KIAA1217: variants seen among roughly 807,000 people sequenced by gnomAD.
KIAA1217 encodes sickle tail protein homolog.
In KIAA1217, 88 loss-of-function variants were observed where a neutral mutation model predicts 163.9. The observed-to-expected ratio is 0.54, with a 90% CI of 0.45 to 0.64. The LOEUF is 0.64. Among genes scored for constraint, KIAA1217 ranks in the 30% least tolerant of loss-of-function variants. The probability of loss-of-function intolerance (pLI) is 0.00; values close to 1 mark genes in which losing one functional copy is unlikely to be tolerated. For missense variants in KIAA1217, 2,372 were observed against 2,475.0 expected (o/e 0.96, Z 0.88); for synonymous variants, 903 against 923.1 (o/e 0.98, Z 0.39).
intron 1 of KIAA1217, among the ~76,000 whole-genome samples, chr10:23,971,682 C>T (rs1016858621): frequency 2.0e-5 from 3 of 152,158 alleles, no homozygotes; most frequent in African/African-American, 7.2e-5. Flanking sequence ...TATTTTTTGA[C>T]ATATTTTGAA....
chr10:24,092,928 T>TTG (rs72267704), intron 2 of KIAA1217, among the ~76,000 whole-genome samples: 5,297 of 141,000 alleles, frequency 0.038, 205 homozygotes, highest in African/African-American at 0.079. Flanking sequence ...TGTGTGTGTG[T>TTG]TGTGTGTGTG....
rs1333302599 is a variant in KIAA1217, at chr10:24,544,962, T to TC, written c.5212-18dup. On this transcript the variant is annotated intron_variant, in intron 19 of 20. Transcript: ENST00000376454. ...TGCGCTTCTCCTTCTCTTCCCCCTC[T>TC]CACTGGTCCTTCCCACAGGGCTCCA... 1 of 1,610,380 alleles carries TC rather than the reference T, an allele frequency of 6.2e-7. No individual in the cohort carries two copies. Among genetic ancestry groups the TC allele is most frequent in the African/African-American group, 1.3e-5 (1 of 74,768 alleles).
intron 1 of KIAA1217, among the ~76,000 whole-genome samples, chr10:23,937,819 A>C (rs1843595991): frequency 6.6e-6 from 1 of 152,182 alleles, no homozygotes; most frequent in Non-Finnish European, 1.5e-5. Flanking sequence ...GGGAGCAAGC[A>C]ATGTAGGACA....
intron 2 of KIAA1217, among the ~76,000 whole-genome samples, chr10:24,354,236 T>A (rs141857957): frequency 6.6e-6 from 1 of 152,326 alleles, no homozygotes; most frequent in African/African-American, 2.4e-5. Flanking sequence ...GAATAGTATT[T>A]GTGAAATGGC....
chr10:23,936,717 T>G (rs753008363), intron 1 of KIAA1217, among the ~76,000 whole-genome samples: 1 of 152,156 alleles, frequency 6.6e-6, no homozygotes, highest in Non-Finnish European at 1.5e-5. Flanking sequence ...TGCAGACACC[T>G]GGATTTCAGA....
At chr10:24,073,065 A>T (rs1432505234) in intron 2 of KIAA1217, among the ~76,000 whole-genome samples, 5 of 151,918 alleles carry the variant, frequency 3.3e-5, no homozygotes, top group Non-Finnish European at 7.4e-5. Context: ...TCTTGAAAAA[A>T]AAAAAAAAGA....
intron 2 of KIAA1217, among the ~76,000 whole-genome samples, chr10:24,319,148 C>T (rs1446284434): frequency 3.3e-5 from 5 of 152,048 alleles, no homozygotes; most frequent in Non-Finnish European, 7.4e-5. Context: ...GAGGCCGAGG[C>T]GGGCAGATCA....
chr10:24,366,509 C>T (rs530158573), intron 2 of KIAA1217, among the ~76,000 whole-genome samples: 1 of 152,204 alleles, frequency 6.6e-6, no homozygotes, highest in Non-Finnish European at 1.5e-5. Context: ...TATTTAAATG[C>T]TTGCACAGTA....
At chr10:24,538,732 G>GT (rs756717624) in intron 17 of KIAA1217, among the ~76,000 whole-genome samples, 18,039 of 87,374 alleles carry the variant, frequency 0.21, 4,611 homozygotes, top group Middle Eastern at 0.29. Context: ...ATTGTTTTTG[G>GT]TTTTTTTTTT....
At chr10:24,128,041 T>A (rs1051828197) in intron 2 of KIAA1217, among the ~76,000 whole-genome samples, 1 of 152,244 alleles carries the variant, frequency 6.6e-6, no homozygotes, top group Non-Finnish European at 1.5e-5. Flanking sequence ...TATTTTAGAT[T>A]AAGTATCTAC....
In KIAA1217 at chr10:24,544,940, G is replaced by A. The variant is rs376056709; in HGVS notation, c.5212-41G>A. 4.4e-6 allele frequency: 7 copies of A among 1,603,606 alleles called. 1 individual carries two copies. Among genetic ancestry groups the A allele is most frequent in the South Asian group, 3.3e-5 (3 of 90,224 alleles). On this transcript the variant is annotated intron_variant, in intron 19 of 20. Transcript: ENST00000376454. Reference sequence around the variant, plus strand: ...AGCCTCACAGATGACCTACTCATGCGCTTCTCCTTCTCTTCCCCCTCTCAC... The same window carrying A: ...AGCCTCACAGATGACCTACTCATGCACTTCTCCTTCTCTTCCCCCTCTCAC...
intron 2 of KIAA1217, among the ~76,000 whole-genome samples, chr10:24,336,694 A>G (rs2046393614): frequency 6.6e-6 from 1 of 152,260 alleles, no homozygotes; most frequent in African/African-American, 2.4e-5. Flanking sequence ...TTTTCTTTCA[A>G]GAAAGAGGGC....
chr10:24,096,369 GT>G (rs963823963), intron 2 of KIAA1217, among the ~76,000 whole-genome samples: 8 of 152,010 alleles, frequency 5.3e-5, no homozygotes, highest in Non-Finnish European at 1.2e-4. Context: ...CTGGTCCAGG[GT>G]GCCACCACCT....
Position 24,543,061 on chromosome 10 carries a change from C to G in KIAA1217, c.3791C>G (p.Pro1264Arg), listed in dbSNP as rs1208321933. ...AGAAACTATTCCCAGGAAACTGTGC[C>G]TAAGGCCAGTTTCGGTTTCTCTGGC... is the stretch of plus-strand genomic sequence containing the variant. ...DSRNYSQETV[P>R]KASFGFSGIS... is the part of the protein sequence containing the mutation. The change falls in exon 19 of 21, where the codon CCT (proline) becomes CGT (arginine). Residue 1264 changes from proline to arginine, a missense_variant. Pro to Arg is a moderately radical substitution (Grantham distance 103). Coordinates refer to ENST00000376454, the MANE Select transcript of KIAA1217 (RefSeq NM_019590.5). 6.2e-7 allele frequency: 1 copy of G among 1,613,388 alleles called. No homozygotes were observed. Among genetic ancestry groups the G allele is most frequent in the African/African-American group, 1.3e-5 (1 of 74,754 alleles).
chr10:23,765,815 A>G (rs1251052899), intron 1 of KIAA1217, among the ~76,000 whole-genome samples: 1 of 152,194 alleles, frequency 6.6e-6, no homozygotes, highest in Non-Finnish European at 1.5e-5. Flanking sequence ...AGTCTGTTCG[A>G]TCTCTTTTCT....
At chr10:23,706,101 G>C (rs755369645) in intron 1 of KIAA1217, among the ~76,000 whole-genome samples, 1 of 151,786 alleles carries the variant, frequency 6.6e-6, no homozygotes, top group African/African-American at 2.4e-5. Context: ...TTTTATATTG[G>C]TCTTGTGCTC....
intron 2 of KIAA1217, among the ~76,000 whole-genome samples, chr10:24,136,848 T>C (rs1341714303): frequency 6.6e-6 from 1 of 152,254 alleles, no homozygotes; most frequent in Non-Finnish European, 1.5e-5. Context: ...AGAGTGTAGC[T>C]GAATTGTCCA....
chr10:24,033,923 C>CTGTT (rs887717702), intron 2 of KIAA1217, among the ~76,000 whole-genome samples: 31 of 152,300 alleles, frequency 2.0e-4, no homozygotes, highest in Admixed American at 6.5e-4. Context: ...AAAATATTTA[C>CTGTT]TGTTTGGCTC....
rs954914424 is a variant in KIAA1217 at position 24,101,736 on chromosome 10, A to G, written c.-171+94362A>G. Among the ~76,000 whole-genome samples, 3 of 152,150 alleles carry G rather than the reference A, an allele frequency of 2.0e-5. No individual in the cohort carries two copies. In the East Asian group the frequency reaches 5.8e-4, roughly 29 times the overall value. On this transcript the variant is annotated intron_variant, in intron 2 of 18. Coordinates refer to the KIAA1217 transcript ENST00000376462. ...ATGATAATTTCATAATGTTTAGCCT[A>G]GTATTTTCATTTGGAAATTAGTCAT...
Sources: allele counts gnomAD v4.1 joint callset (sites outside exome capture counted in the v4.1 genomes callset), GRCh38; gene constraint gnomAD v4.1.1; transcripts MANE v1.5; gene names NCBI Gene and HGNC (gene_info 2026-07-23, HGNC 2026-07-21).